The following ARHGAP15 variants were observed in gnomAD, a reference collection of about 807,000 sequenced individuals.
ARHGAP15 encodes the protein Rho GTPase activating protein 15.
ARHGAP15 carries 51 observed loss-of-function variants against 63.7 expected under a neutral mutation model. The ratio of observed to expected loss-of-function variants is 0.80; its 90% CI spans 0.64 to 1.01. The LOEUF (loss-of-function observed/expected upper bound fraction) is 1.01, where lower values mean the gene tolerates loss of function less well. ARHGAP15 is among the 50% of genes least tolerant of loss of function. ARHGAP15 has a pLI of 0.00. For synonymous variants in ARHGAP15, 191 were observed against 193.8 expected (o/e 0.99, Z 0.12); for missense variants, 560 against 564.6 (o/e 0.99, Z 0.08).
intron 10 of ARHGAP15, among the ~76,000 whole-genome samples, chr2:143,544,399 C>A (rs1695235280): frequency 6.6e-6 from 1 of 152,074 alleles, no homozygotes; most frequent in Non-Finnish European, 1.5e-5. Flanking sequence ...CAAATAATTT[C>A]AATCTGTGTC....
chr2:143,451,921 A>G (rs1463949535), intron 8 of ARHGAP15, among the ~76,000 whole-genome samples: 1 of 152,006 alleles, frequency 6.6e-6, no homozygotes, highest in Non-Finnish European at 1.5e-5. Context: ...AAAATCTGCA[A>G]GTAGCTTGAT....
At chr2:143,312,895 A>G (rs1683514891) in intron 6 of ARHGAP15, among the ~76,000 whole-genome samples, 1 of 152,184 alleles carries the variant, frequency 6.6e-6, no homozygotes, top group Non-Finnish European at 1.5e-5. Context: ...TACAGCTAAT[A>G]TACTACTCAT....
chr2:143,288,364 G>T (rs781188586), intron 6 of ARHGAP15, among the ~76,000 whole-genome samples: 31 of 151,768 alleles, frequency 2.0e-4, no homozygotes, highest in Non-Finnish European at 4.1e-4. Flanking sequence ...CTTGTAGATT[G>T]TATTTGGAAA....
intron 6 of ARHGAP15, among the ~76,000 whole-genome samples, chr2:143,379,727 A>T (rs767869797): frequency 6.6e-6 from 1 of 152,000 alleles, no homozygotes; most frequent in African/African-American, 2.4e-5. Flanking sequence ...AGGAATCTGA[A>T]ATAATTATTA....
intron 6 of ARHGAP15, among the ~76,000 whole-genome samples, chr2:143,288,923 T>G (rs1036339370): frequency 6.6e-6 from 1 of 151,998 alleles, no homozygotes; most frequent in African/African-American, 2.4e-5. Context: ...TCAGGGACCT[T>G]CTAGATGCAA....
intron 12 of ARHGAP15, among the ~76,000 whole-genome samples, chr2:143,657,307 A>AC (rs1432368279): frequency 6.6e-6 from 1 of 152,214 alleles, no homozygotes; most frequent in Non-Finnish European, 1.5e-5. Flanking sequence ...AGATCGCGCC[A>AC]CTGCACTCCA....
At chr2:143,385,093 T>C (rs542697361) in intron 6 of ARHGAP15, among the ~76,000 whole-genome samples, 3 of 152,288 alleles carry the variant, frequency 2.0e-5, no homozygotes, top group African/African-American at 7.2e-5. Context: ...TTCAGTAATC[T>C]ACCAATCTTA....
chr2:143,347,078 C>T (rs1054564990), intron 6 of ARHGAP15, among the ~76,000 whole-genome samples: 1 of 152,118 alleles, frequency 6.6e-6, no homozygotes, highest in Non-Finnish European at 1.5e-5. Context: ...ATTCACTTAT[C>T]TCATGTCCTC....
intron 2 of ARHGAP15, among the ~76,000 whole-genome samples, chr2:143,166,938 TC>T (rs1690564606): frequency 6.6e-6 from 1 of 152,146 alleles, no homozygotes; most frequent in African/African-American, 2.4e-5. Context: ...CATCATTCTT[TC>T]TTTTTCCTTC....
intron 6 of ARHGAP15, among the ~76,000 whole-genome samples, chr2:143,399,081 C>G (rs1282039110): frequency 2.0e-5 from 3 of 151,284 alleles, no homozygotes; most frequent in African/African-American, 7.3e-5. Flanking sequence ...ATAACAGGTG[C>G]AAAAAAAATG....
chr2:143,291,549 A>G (rs1006504110), intron 6 of ARHGAP15, among the ~76,000 whole-genome samples: 1 of 152,092 alleles, frequency 6.6e-6, no homozygotes, highest in South Asian at 2.1e-4. Flanking sequence ...AAAGTACTTC[A>G]GTGTATTACC....
chr2:143,447,758 C>T (rs79974796), intron 8 of ARHGAP15, among the ~76,000 whole-genome samples: 15,097 of 152,102 alleles, frequency 0.099, 972 homozygotes, highest in South Asian at 0.17. Flanking sequence ...TTTGCACTGA[C>T]GAATAAATGT....
At chr2:143,380,313 G>T (rs1434385331) in intron 6 of ARHGAP15, among the ~76,000 whole-genome samples, 2 of 152,038 alleles carry the variant, frequency 1.3e-5, no homozygotes, top group African/African-American at 4.8e-5. Context: ...TTAATAACAG[G>T]AATAGCTACC....
chr2:143,190,856 C>T (rs570543196), intron 2 of ARHGAP15, among the ~76,000 whole-genome samples: 5 of 152,162 alleles, frequency 3.3e-5, no homozygotes, highest in African/African-American at 4.8e-5. Context: ...CTGCAACCTC[C>T]GCCTCCCGGG....
intron 11 of ARHGAP15, among the ~76,000 whole-genome samples, chr2:143,613,717 G>T (rs534480465): frequency 1.3e-5 from 2 of 152,230 alleles, no homozygotes; most frequent in East Asian, 3.9e-4. Flanking sequence ...CTCTGCACCT[G>T]TTTCTTATTA....
intron 6 of ARHGAP15, among the ~76,000 whole-genome samples, chr2:143,354,595 G>C (rs927665036): frequency 2.0e-5 from 3 of 151,920 alleles, no homozygotes; most frequent in African/African-American, 7.3e-5. Flanking sequence ...AAAATCAGAC[G>C]GGCCATTTTA....
intron 11 of ARHGAP15, among the ~76,000 whole-genome samples, chr2:143,568,734 T>G (rs1169350121): frequency 6.6e-6 from 1 of 152,190 alleles, no homozygotes; most frequent in African/African-American, 2.4e-5. Context: ...TGCAGCACTA[T>G]TCACAATAGC....
intron 13 of ARHGAP15, among the ~76,000 whole-genome samples, chr2:143,750,768 T>C (rs1220122691): frequency 6.6e-6 from 1 of 152,194 alleles, no homozygotes; most frequent in Non-Finnish European, 1.5e-5. Flanking sequence ...CAGAGGTTAA[T>C]ATGGTTTTGA....
intron 6 of ARHGAP15, among the ~76,000 whole-genome samples, chr2:143,417,335 A>T (rs1202432907): frequency 6.6e-6 from 1 of 152,144 alleles, no homozygotes; most frequent in African/African-American, 2.4e-5. Context: ...GTGAACGGTT[A>T]CACATACTTT....
Sources: gnomAD v4.1 joint callset for allele counts (sites outside exome capture counted in the v4.1 genomes callset) on GRCh38, gnomAD v4.1.1 for gene constraint, MANE v1.5 for transcripts, NCBI Gene and HGNC (gene_info 2026-07-23, HGNC 2026-07-21) for gene names.